The following POLD3 variants were observed in gnomAD, a reference collection of about 807,000 sequenced individuals.
The protein encoded by POLD3 is DNA polymerase delta subunit 3.
Under a neutral mutation model 58.2 loss-of-function variants are expected in POLD3, and 19 were observed. The ratio of observed to expected loss-of-function variants is 0.33; its 90% CI spans 0.23 to 0.48. The LOEUF is 0.48. POLD3 is among the 20% of genes least tolerant of loss of function. POLD3 has a pLI of 0.99. For missense variants in POLD3, 504 were observed against 545.5 expected, an observed-to-expected ratio of 0.92 and a Z score of 0.76; for synonymous variants, 172 against 193.5, an observed-to-expected ratio of 0.89 and a Z score of 0.92.
At chr11:74,629,128 C>A in intron 8 of POLD3, 89 bp from the exon 9 acceptor site, 1 of 740,938 alleles carries the variant, frequency 1.3e-6, no homozygotes, top group Middle Eastern at 2.5e-4. Flanking sequence ...ATTAAGACCA[C>A]GAGTTATAAA....
chr11:74,619,987 A>G (rs1193273694), intron 6 of POLD3, 30 bp from the exon 7 acceptor site: 1 of 1,595,432 alleles, frequency 6.3e-7, no homozygotes, highest in Non-Finnish European at 8.6e-7. Flanking sequence ...AATGCCAGCA[A>G]AAAATCATAT....
At chr11:74,650,745 A>ACT (rs905003686) in intron 4 of POLD3, among the ~76,000 whole-genome samples, 2 of 151,674 alleles carry the variant, frequency 1.3e-5, no homozygotes, top group African/African-American at 4.9e-5. Context: ...AAACACACAC[A>ACT]CTCTCTCTCT....
chr11:74,650,747 T>A (rs1303475722), intron 4 of POLD3, among the ~76,000 whole-genome samples: 2 of 152,144 alleles, frequency 1.3e-5, no homozygotes. Context: ...ACACACACAC[T>A]CTCTCTCTTT....
intron 3 of POLD3, among the ~76,000 whole-genome samples, chr11:74,610,967 G>T (rs1450448603): frequency 2.0e-5 from 3 of 152,040 alleles, no homozygotes. Context: ...TAGAGACAGG[G>T]TCTCACCATG....
chr11:74,606,782 A>G (rs2031691440), intron 3 of POLD3, among the ~76,000 whole-genome samples: 1 of 152,246 alleles, frequency 6.6e-6, no homozygotes. Context: ...AAAATGATGT[A>G]TAACCTATAA....
At chr11:74,596,015 AT>A (rs1169677771) in intron 2 of POLD3, among the ~76,000 whole-genome samples, 2 of 132,880 alleles carry the variant, frequency 1.5e-5, no homozygotes, top group African/African-American at 2.9e-5. Flanking sequence ...AAATGATTAA[AT>A]TTTTTTTAAT....
At chr11:74,608,755 C>G (rs1310149297) in intron 3 of POLD3, among the ~76,000 whole-genome samples, 1 of 152,176 alleles carries the variant, frequency 6.6e-6, no homozygotes, top group Non-Finnish European at 1.5e-5. Flanking sequence ...TACTGCAAAG[C>G]TGCATTGGTT....
intron 10 of POLD3, among the ~76,000 whole-genome samples, chr11:74,635,250 C>T (rs1591317015): frequency 1.3e-5 from 2 of 152,012 alleles, no homozygotes; most frequent in Admixed American, 6.6e-5. Flanking sequence ...TTTCTTAATT[C>T]ATTGTGTTAA....
At position 74,631,936 on chromosome 11, in the gene POLD3, C is replaced by T. The variant is rs182597030; in HGVS notation, c.1006+2613C>T. ...TGTTTGTAACTTTCTACCCAAGGGA[C>T]TGTTCCTTTCTCTTTTACCCCTGCG... is the stretch of plus-strand genomic sequence containing the variant. On this transcript the variant is annotated intron_variant, in intron 9 of 11. Transcript: ENST00000263681. Among the ~76,000 whole-genome samples, 389 of 152,202 alleles carry T rather than the reference C, an allele frequency of 2.6e-3. 2 individuals are homozygous for T. Among genetic ancestry groups the T allele is most frequent in the African/African-American group, 9.0e-3 (375 of 41,508 alleles).
chr11:74,647,281 C>T (rs1190944347), downstream of POLD3, among the ~76,000 whole-genome samples: 2 of 152,204 alleles, frequency 1.3e-5, no homozygotes, highest in South Asian at 4.1e-4. Context: ...ATGGGATTTA[C>T]GGAAGGCAGA....
At chr11:74,626,790 A>G (rs1025686734) in intron 8 of POLD3, among the ~76,000 whole-genome samples, 1 of 152,146 alleles carries the variant, frequency 6.6e-6, no homozygotes, top group African/African-American at 2.4e-5. Context: ...TGGGCTGCAT[A>G]TATGACAGTG....
chr11:74,620,128 T>C (rs1194994222), intron 7 of POLD3, 39 bp downstream of exon 7: 2 of 1,431,920 alleles, frequency 1.4e-6, no homozygotes, highest in African/African-American at 1.4e-5. Context: ...AACGAATGAA[T>C]GTTAATGTAA....
chr11:74,660,044 T>C (rs1211540700), intron 4 of POLD3, among the ~76,000 whole-genome samples: 1 of 152,166 alleles, frequency 6.6e-6, no homozygotes, highest in Non-Finnish European at 1.5e-5. Context: ...TTAATTGGAC[T>C]TACAGTTCCA....
chr11:74,637,444 T>TC (rs2032782526), intron 11 of POLD3, among the ~76,000 whole-genome samples: 1 of 150,242 alleles, frequency 6.7e-6, no homozygotes, highest in Non-Finnish European at 1.5e-5. Flanking sequence ...CCTTTTTTTT[T>TC]TTTTTTTGGC....
chr11:74,646,359 A>G (rs954928440), downstream of POLD3, among the ~76,000 whole-genome samples: 1 of 152,180 alleles, frequency 6.6e-6, no homozygotes, highest in Non-Finnish European at 1.5e-5. Flanking sequence ...GCTTATTCAA[A>G]TCAACCTCTT....
chr11:74,610,956 G>A (rs2031890538), intron 3 of POLD3, among the ~76,000 whole-genome samples: 3 of 152,104 alleles, frequency 2.0e-5, no homozygotes, highest in Admixed American at 2.0e-4. Flanking sequence ...TGTGTTTTTA[G>A]TAGAGACAGG....
intron 5 of POLD3, among the ~76,000 whole-genome samples, chr11:74,617,947 A>G (rs1345783394): frequency 1.3e-5 from 2 of 152,030 alleles, no homozygotes; most frequent in Non-Finnish European, 2.9e-5. Flanking sequence ...TTAAATTCCT[A>G]GGCTTAAGCG....
At chr11:74,631,609 G>A (rs984076715) in intron 9 of POLD3, among the ~76,000 whole-genome samples, 5 of 150,366 alleles carry the variant, frequency 3.3e-5, no homozygotes, top group Admixed American at 2.7e-4. Context: ...TCAGCCTCCT[G>A]AGTAGCCAGG....
intron 2 of POLD3, chr11:74,595,207 T>C (rs1347873579): frequency 6.9e-6 from 1 of 145,458 alleles, no homozygotes; most frequent in Non-Finnish European, 1.5e-5. Context: ...GGTTTCACTA[T>C]GTTGCCCAGG....
Sources: allele counts gnomAD v4.1 joint callset (sites outside exome capture counted in the v4.1 genomes callset), GRCh38; gene constraint gnomAD v4.1.1; transcripts MANE v1.5; gene names NCBI Gene and HGNC (gene_info 2026-07-23, HGNC 2026-07-21).